The following ADGRB1 variants were observed in gnomAD, a reference collection of about 807,000 sequenced individuals.
The protein encoded by ADGRB1 is adhesion G protein-coupled receptor B1.
In ADGRB1, 36 loss-of-function variants were observed where a neutral mutation model predicts 175.7. The ratio of observed to expected loss-of-function variants is 0.20; its 90% CI spans 0.16 to 0.27. The LOEUF (loss-of-function observed/expected upper bound fraction) is 0.27. Ranked by LOEUF, ADGRB1 falls within the 10% of genes least tolerant of loss-of-function variation. The pLI, the probability that ADGRB1 is intolerant of heterozygous loss-of-function variation, is 1.00. For synonymous variants in ADGRB1, 1,054 were observed against 979.4 expected, an observed-to-expected ratio of 1.08 and a Z score of -1.42; for missense variants, 1,731 against 2,255.3, an observed-to-expected ratio of 0.77 and a Z score of 4.71.
intron 11 of ADGRB1, among the ~76,000 whole-genome samples, chr8:142,483,624 TCA>T (rs1163920733): frequency 2.8e-5 from 4 of 145,376 alleles, no homozygotes; most frequent in Admixed American, 2.0e-4. Context: ...CTGATCCTGG[TCA>T]CACACTGAGC....
chr8:142,497,031 T>C (rs541215514), intron 17 of ADGRB1, among the ~76,000 whole-genome samples: 1 of 152,354 alleles, frequency 6.6e-6, no homozygotes, highest in South Asian at 2.1e-4. Context: ...ACTCCTTTCC[T>C]GAAGCTCAGC....
At chr8:142,524,148 C>G (rs1844032053) in intron 22 of ADGRB1, 90 bp from the exon 23 acceptor site, 10 of 1,416,960 alleles carry the variant, frequency 7.1e-6, no homozygotes, top group Non-Finnish European at 9.6e-6. Flanking sequence ...CTGCCACTTC[C>G]CAGCTCACCC....
intron 24 of ADGRB1, 118 bp downstream of exon 24, chr8:142,526,745 C>T (rs962603240): frequency 4.1e-5 from 44 of 1,063,072 alleles, no homozygotes; most frequent in Non-Finnish European, 5.5e-5. Context: ...CCAGGGACCC[C>T]GGAGCGGGTG....
At position 142,474,449 on chromosome 8, in the gene ADGRB1, A is replaced by C. The variant is rs1840832429; in HGVS notation, c.785-1025A>C. 6.6e-6 allele frequency among the ~76,000 whole-genome samples: 1 copy of C among 152,122 alleles called. No homozygotes were observed. The highest frequency in any genetic ancestry group is 2.1e-4 in the South Asian group (1 of 4,836). The stretch of plus-strand genomic sequence containing the variant: ...CCCGACCCTGCTGCACAGGGTGTAC[A>C]TGAGCCCAGAGTGCTGGGCAGGAGG... On this transcript the variant is annotated intron_variant, in intron 2 of 30. Coordinates refer to ENST00000517894, the MANE Select transcript of ADGRB1 (RefSeq NM_001702.3). This position sits in a 1 kb window ranked among gnomAD's most constrained non-coding sequence, Gnocchi z 5.8.
intron 24 of ADGRB1, among the ~76,000 whole-genome samples, chr8:142,533,069 T>C (rs553815420): frequency 7.2e-5 from 11 of 151,926 alleles, no homozygotes; most frequent in East Asian, 1.9e-4. Flanking sequence ...TGGGACAGGA[T>C]TGGGGGAGTC....
At position 142,464,334 on chromosome 8, in the gene ADGRB1, C is replaced by G; in HGVS notation, c.136C>G (p.Leu46Val). 1 of 1,503,582 alleles carries G rather than the reference C, an allele frequency of 6.7e-7. No individual in the cohort carries two copies. Among genetic ancestry groups the G allele is most frequent in the Non-Finnish European group, 8.8e-7 (1 of 1,132,224 alleles). 93.1% of individuals were successfully genotyped at this position (1,503,582 alleles called of 1,614,324 possible). ...GCCCGGGCCCGAGCCGTGCGCCACGCTGGTGCAGGGAAAGTTCTTCGGCTA... is the reference window on the plus strand; with the variant it reads ...GCCCGGGCCCGAGCCGTGCGCCACGGTGGTGCAGGGAAAGTTCTTCGGCTA... ...AGPGPEPCAT[L>V]VQGKFFGYFS... The change falls in exon 2 of 31, where the codon CTG becomes GTG. Residue 46 changes from leucine to valine, a missense_variant. Physicochemically the swap from Leu to Val is conservative, Grantham distance 32. Around this residue, in one of 8 missense-constraint regions of ADGRB1, gnomAD observed 383 missense variants for 383.1 expected, o/e 1.00. Transcript: ENST00000517894.
intron 24 of ADGRB1, among the ~76,000 whole-genome samples, chr8:142,526,846 G>A (rs996113870): frequency 3.3e-5 from 5 of 152,338 alleles, no homozygotes; most frequent in East Asian, 3.9e-4. Flanking sequence ...ACCTGGACAG[G>A]GTGGGTCCCA....
At chr8:142,459,762 GCTT>G (rs1365237807) in intron 1 of ADGRB1, among the ~76,000 whole-genome samples, 3 of 152,192 alleles carry the variant, frequency 2.0e-5, no homozygotes, top group Admixed American at 6.5e-5. Context: ...ACACACATCT[GCTT>G]CTCCCCTTCC....
chr8:142,512,835 T>C (rs1587381528), intron 18 of ADGRB1, among the ~76,000 whole-genome samples: 1 of 152,076 alleles, frequency 6.6e-6, no homozygotes, highest in Non-Finnish European at 1.5e-5. Context: ...GAGGGGCAGG[T>C]ACATGGGCTG....
intron 19 of ADGRB1, among the ~76,000 whole-genome samples, chr8:142,519,474 G>C (rs1843635149): frequency 6.6e-6 from 1 of 152,174 alleles, no homozygotes; most frequent in South Asian, 2.1e-4. Flanking sequence ...GCTGGTGATG[G>C]TGGTGATGGT....
intron 25 of ADGRB1, 43 bp from the exon 26 acceptor site, chr8:142,536,943 TG>T (rs1844964788): frequency 1.3e-6 from 2 of 1,500,344 alleles, no homozygotes; most frequent in Non-Finnish European, 1.8e-6. Context: ...TGGCGCAGGG[TG>T]GGGGCGTGGC....
rs1261524352 is a variant in ADGRB1 at position 142,542,540 on chromosome 8, C to T, written c.4306C>T (p.Pro1436Ser). The change falls in exon 28 of 31, where the codon CCC becomes TCC. Residue 1436 changes from proline (P) to serine (S), a missense_variant. By Grantham distance (74) the Pro-to-Ser change is moderately conservative. Coordinates refer to ENST00000517894, the MANE Select transcript of ADGRB1 (RefSeq NM_001702.3). This position sits in a 1 kb window ranked among gnomAD's most constrained non-coding sequence, Gnocchi z 6.3. ...CCCACCGCCCAATCTGGAGCCGGCA[C>T]CCCCCAGCCTGGGGGATCCCGGGGA... ...LPPPPNLEPA[P>S]PSLGDPGEPA... 4.0e-6 allele frequency: 6 copies of T among 1,505,594 alleles called. No individual in the cohort carries two copies. The highest frequency in any genetic ancestry group is 4.4e-6 in the Non-Finnish European group (5 of 1,127,096). 93.3% of individuals were successfully genotyped at this position (1,505,594 alleles called of 1,614,324 possible). A position where few individuals can be genotyped will look rare whatever the true frequency, so the allele number is the denominator to read the frequency against.
At position 142,477,480 on chromosome 8, in the gene ADGRB1, C is replaced by G. The variant is rs757523788; in HGVS notation, c.1318C>G (p.Gln440Glu). Residue 440 changes from glutamine (Q) to glutamate (E), a missense_variant, in exon 6 of 31, where the codon CAG becomes GAG. By Grantham distance (29) the Gln-to-Glu change is conservative. This residue lies in a region of ADGRB1 where 388 missense variants were observed against 630.9 expected (regional missense o/e 0.61). Coordinates refer to ENST00000517894, the MANE Select transcript of ADGRB1 (RefSeq NM_001702.3). ...TCGCACGCGCACCTGCAGGCCCCCC[C>G]AGTTTGGGGGCAACCCCTGTGAGGG... ...RDRTRTCRPPQFGGNPCEGPE... is the reference protein window; with the variant it reads ...RDRTRTCRPPEFGGNPCEGPE... 6 of 1,612,972 alleles carry G rather than the reference C, an allele frequency of 3.7e-6. No homozygotes were observed. The highest frequency in any genetic ancestry group is 5.1e-6 in the Non-Finnish European group (6 of 1,179,842).
At chr8:142,490,956 A>G (rs1841952934) in intron 17 of ADGRB1, 141 bp downstream of exon 17, 3 of 1,127,084 alleles carry the variant, frequency 2.7e-6, no homozygotes, top group Non-Finnish European at 3.8e-6. Flanking sequence ...CCTCCGTGTC[A>G]CCACCTGTCA....
chr8:142,526,751 G>T, intron 24 of ADGRB1, 124 bp downstream of exon 24: 1 of 1,010,794 alleles, frequency 9.9e-7, no homozygotes, highest in Non-Finnish European at 1.5e-6. Flanking sequence ...ACCCCGGAGC[G>T]GGTGGGAAAC....
At position 142,511,608 on chromosome 8, in the gene ADGRB1, G is replaced by C. The variant is rs1371124246; in HGVS notation, c.2817+535G>C. Among the ~76,000 whole-genome samples, 2 of 152,200 alleles carry C rather than the reference G, an allele frequency of 1.3e-5. No individual in the cohort carries two copies. Among genetic ancestry groups the C allele is most frequent in the Non-Finnish European group, 2.9e-5 (2 of 68,014 alleles). ...CAGATCCACCGCCCCCCAGGCCTCA[G>C]CACCTCGGGGCTTCCTTTTTGTTCC... On this transcript the variant is annotated intron_variant, in intron 18 of 30. Transcript: ENST00000517894. The surrounding 1 kb of genome is among the most constrained non-coding windows in gnomAD (Gnocchi z 4.5).
chr8:142,520,744 C>A, intron 19 of ADGRB1, 79 bp from the exon 20 acceptor site: 3 of 1,304,612 alleles, frequency 2.3e-6, no homozygotes, highest in Non-Finnish European at 3.3e-6. Flanking sequence ...GGGCTCTGGT[C>A]TTGGTGCCAC....
intron 1 of ADGRB1, among the ~76,000 whole-genome samples, chr8:142,460,426 C>A (rs539842208): frequency 1.3e-5 from 2 of 152,344 alleles, no homozygotes; most frequent in Admixed American, 1.3e-4. Context: ...GCTGGGCCGG[C>A]CTTCCGGCCA....
chr8:142,494,703 G>T (rs1842132873), intron 17 of ADGRB1, among the ~76,000 whole-genome samples: 1 of 151,298 alleles, frequency 6.6e-6, no homozygotes, highest in Non-Finnish European at 1.5e-5. Flanking sequence ...CCAGCAACTA[G>T]ATCCGTAACC....
Sources: gnomAD v4.1 joint callset for allele counts (sites outside exome capture counted in the v4.1 genomes callset) on GRCh38, gnomAD v4.1.1 for gene constraint, gnomAD v4.1.1 regional missense constraint, Gnocchi (gnomAD v3.1) non-coding constraint, MANE v1.5 for transcripts, NCBI Gene and HGNC (gene_info 2026-07-23, HGNC 2026-07-21) for gene names.